GPC3: variants seen among roughly 807,000 people sequenced by gnomAD.
GPC3 encodes glypican 3.
In GPC3, 3 loss-of-function variants were observed where a neutral mutation model predicts 34.4. The ratio of observed to expected loss-of-function variants is 0.09; its 90% CI spans 0.04 to 0.23. GPC3 has a LOEUF of 0.23. Ranked by LOEUF, GPC3 falls within the 10% of genes least tolerant of loss-of-function variation. GPC3 has a pLI of 1.00. For missense variants in GPC3, 351 were observed against 445.6 expected (o/e 0.79, Z 1.91); for synonymous variants, 177 against 174.0 (o/e 1.02, Z -0.13).
intron 2 of GPC3, among the ~76,000 whole-genome samples, chrX:133,869,910 ACG>A (rs1423226193): frequency 3.5e-4 from 39 of 112,459 alleles, no homozygotes; most frequent in Non-Finnish European, 6.2e-4. Flanking sequence ...AGCCGAGATC[ACG>A]CCTCTGCACT....
intron 3 of GPC3, among the ~76,000 whole-genome samples, chrX:133,715,887 TGAG>T (rs1033455990): frequency 9.0e-6 from 1 of 110,789 alleles, no homozygotes; most frequent in Non-Finnish European, 1.9e-5. Context: ...TGACTGACCT[TGAG>T]GTTCTGTGCA....
chrX:133,939,045 C>T (rs2076334070), intron 2 of GPC3, among the ~76,000 whole-genome samples: 1 of 111,534 alleles, frequency 9.0e-6, no homozygotes, highest in Middle Eastern at 4.6e-3. Context: ...GATTTGGGTG[C>T]CTGAATTAGT....
intron 2 of GPC3, among the ~76,000 whole-genome samples, chrX:133,865,707 T>C (rs2124571095): frequency 8.9e-6 from 1 of 112,446 alleles, no homozygotes; most frequent in Admixed American, 9.4e-5. Flanking sequence ...AAGCTGATAG[T>C]TAACAAAAAC....
chrX:133,701,252 A>T (rs1233960093), intron 3 of GPC3, among the ~76,000 whole-genome samples: 1 of 111,866 alleles, frequency 8.9e-6, no homozygotes, highest in Non-Finnish European at 1.9e-5. Context: ...AAGAAATATG[A>T]ATATTAACAT....
chrX:133,908,269 G>A (rs1300922949), intron 2 of GPC3, among the ~76,000 whole-genome samples: 1 of 111,281 alleles, frequency 9.0e-6, no homozygotes, highest in African/African-American at 3.3e-5. Context: ...TCATTTTTAC[G>A]TAAGGCCCTC....
intron 2 of GPC3, among the ~76,000 whole-genome samples, chrX:133,874,957 C>A (rs1043114903): frequency 9.8e-5 from 11 of 112,052 alleles, no homozygotes; most frequent in African/African-American, 3.6e-4. Flanking sequence ...GTGGCCAAGA[C>A]AGAAAAAGAG....
chrX:133,869,232 C>G (rs1380268782), intron 2 of GPC3, among the ~76,000 whole-genome samples: 1 of 111,809 alleles, frequency 8.9e-6, no homozygotes, highest in Middle Eastern at 4.2e-3. Context: ...CTCTACACTT[C>G]AGAAAATATA....
intron 2 of GPC3, among the ~76,000 whole-genome samples, chrX:133,927,315 C>T (rs2076279703): frequency 1.8e-5 from 2 of 108,938 alleles, no homozygotes; most frequent in African/African-American, 6.7e-5. Flanking sequence ...TATGGTATGA[C>T]CCCATTTATG....
At position 133,741,953 on chromosome X, in the gene GPC3, A is replaced by C. The variant is rs763025160; in HGVS notation, c.1032+11529T>G. The stretch of plus-strand genomic sequence containing the variant: ...ATAGTAGGTAATTTCATAAGGTCCC[A>C]CATACACTTAAATATTTCTCCCTAC... On this transcript the variant is annotated intron_variant, in intron 3 of 7. Transcript: ENST00000370818. Among the ~76,000 whole-genome samples, 3 of 113,041 alleles carry C rather than the reference A, an allele frequency of 2.7e-5. No homozygotes were observed. In the South Asian group the frequency reaches 1.1e-3, roughly 41 times the overall value.
chrX:133,733,059 A>G (rs751581312), intron 3 of GPC3, among the ~76,000 whole-genome samples: 11 of 110,716 alleles, frequency 9.9e-5, no homozygotes, highest in African/African-American at 3.6e-4. Context: ...ACAGAGTTTG[A>G]CCATGTTGCC....
At chrX:133,870,379 G>T (rs185900576) in intron 2 of GPC3, among the ~76,000 whole-genome samples, 2 of 111,522 alleles carry the variant, frequency 1.8e-5, no homozygotes, top group Non-Finnish European at 3.8e-5. Flanking sequence ...AACTGTTACT[G>T]GAGAAAGTAA....
chrX:133,604,951 A>G (rs759165721), intron 6 of GPC3, among the ~76,000 whole-genome samples: 20 of 111,941 alleles, frequency 1.8e-4, no homozygotes, highest in African/African-American at 5.5e-4. Flanking sequence ...GGTGACTCCA[A>G]TGAAGCCCAG....
At chrX:133,788,107 T>TAAAATA (rs2072122927) in intron 2 of GPC3, among the ~76,000 whole-genome samples, 1 of 89,234 alleles carries the variant, frequency 1.1e-5, no homozygotes, top group African/African-American at 4.9e-5. Flanking sequence ...TATATATATA[T>TAAAATA]ATATATATAT....
At chrX:133,609,151 T>TA (rs2070081382) in intron 6 of GPC3, among the ~76,000 whole-genome samples, 1 of 112,339 alleles carries the variant, frequency 8.9e-6, no homozygotes, top group Admixed American at 9.4e-5. Context: ...CTTTTAAATA[T>TA]AAAAAACTGG....
intron 7 of GPC3, among the ~76,000 whole-genome samples, chrX:133,580,391 C>A (rs907034786): frequency 8.9e-6 from 1 of 111,788 alleles, no homozygotes; most frequent in Admixed American, 9.5e-5. Context: ...GCATGATTTC[C>A]TCAGATACTG....
intron 5 of GPC3, among the ~76,000 whole-genome samples, chrX:133,685,396 C>T (rs1251565504): frequency 9.0e-6 from 1 of 111,626 alleles, no homozygotes; most frequent in African/African-American, 3.3e-5. Flanking sequence ...TTTTCTGAAA[C>T]ATCCAGAAGG....
intron 2 of GPC3, among the ~76,000 whole-genome samples, chrX:133,896,270 A>G (rs751229935): frequency 9.1e-6 from 1 of 110,436 alleles, no homozygotes; most frequent in Non-Finnish European, 1.9e-5. Flanking sequence ...CTGAAGCAGG[A>G]GAATTGCTTG....
At chrX:133,807,489 A>G (rs1389690098) in intron 2 of GPC3, among the ~76,000 whole-genome samples, 2 of 112,264 alleles carry the variant, frequency 1.8e-5, no homozygotes, top group Non-Finnish European at 3.8e-5. Flanking sequence ...ACAAAATGGT[A>G]TGAACCTGAC....
chrX:133,570,286 CCG>C (rs1450860236), intron 7 of GPC3, among the ~76,000 whole-genome samples: 2 of 111,427 alleles, frequency 1.8e-5, no homozygotes, highest in Non-Finnish European at 3.8e-5. Context: ...ACCGCAACCT[CCG>C]CCTCTTAGGT....
Sources: allele counts gnomAD v4.1 joint callset (sites outside exome capture counted in the v4.1 genomes callset), GRCh38; gene constraint gnomAD v4.1.1; transcripts MANE v1.5; gene names NCBI Gene and HGNC (gene_info 2026-07-23, HGNC 2026-07-21).